Variants in SLC16A2 observed in about 807,000 individuals in gnomAD.
The protein encoded by SLC16A2 is monocarboxylate transporter 8.
Under a neutral mutation model 27.2 loss-of-function variants are expected in SLC16A2, and 3 were observed. The ratio of observed to expected loss-of-function variants is 0.11; its 90% CI spans 0.05 to 0.28. The LOEUF is 0.28. Ranked by LOEUF, SLC16A2 falls within the 10% of genes least tolerant of loss-of-function variation. The pLI, the probability that SLC16A2 is intolerant of heterozygous loss-of-function variation, is 1.00. For synonymous variants in SLC16A2, 202 were observed against 187.8 expected (o/e 1.08, Z -0.62); for missense variants, 295 against 458.5 (o/e 0.64, Z 3.26).
chrX:74,422,425 C>CT (rs771087132), intron 1 of SLC16A2, among the ~76,000 whole-genome samples: 149 of 102,136 alleles, frequency 1.5e-3, no homozygotes, highest in African/African-American at 2.9e-3. Flanking sequence ...ATTTGCAGGA[C>CT]TTTTTTTTTT....
intron 1 of SLC16A2, among the ~76,000 whole-genome samples, chrX:74,480,229 A>T (rs1232944373): frequency 8.9e-6 from 1 of 112,101 alleles, no homozygotes; most frequent in Non-Finnish European, 1.9e-5. Flanking sequence ...GTTCAATCTC[A>T]GACTGCTGTG....
intron 1 of SLC16A2, among the ~76,000 whole-genome samples, chrX:74,494,221 T>G (rs1929891737): frequency 8.9e-6 from 1 of 112,189 alleles, no homozygotes; most frequent in South Asian, 3.7e-4. Flanking sequence ...AGGACAGATA[T>G]GCCACAATTG....
At chrX:74,497,300 TG>T (rs200560671) in intron 1 of SLC16A2, among the ~76,000 whole-genome samples, 1 of 111,166 alleles carries the variant, frequency 9.0e-6, no homozygotes, top group East Asian at 2.9e-4. Context: ...TGCCCATTTC[TG>T]GGGGAGTCAG....
chrX:74,473,559 T>C, intron 1 of SLC16A2: 1 of 734,333 alleles, frequency 1.4e-6, no homozygotes, highest in South Asian at 2.1e-5. Flanking sequence ...ACTTCAATTT[T>C]TCCATACTAT....
chrX:74,427,370 G>A (rs1209626992), intron 1 of SLC16A2, among the ~76,000 whole-genome samples: 1 of 111,500 alleles, frequency 9.0e-6, no homozygotes, highest in Non-Finnish European at 1.9e-5. Flanking sequence ...CCTGGAGAAG[G>A]CCCATTAGAT....
At chrX:74,485,380 A>T (rs1450002518) in intron 1 of SLC16A2, among the ~76,000 whole-genome samples, 1 of 110,487 alleles carries the variant, frequency 9.1e-6, no homozygotes, top group Non-Finnish European at 1.9e-5. Flanking sequence ...TTTCTAGAAA[A>T]ACTTAAATAT....
chrX:74,430,805 G>A (rs1458101276), intron 1 of SLC16A2, among the ~76,000 whole-genome samples: 3 of 112,453 alleles, frequency 2.7e-5, no homozygotes, highest in African/African-American at 9.7e-5. Context: ...GCAGTGGCAC[G>A]ATCTTCGCTC....
chrX:74,440,800 G>T (rs1344298121), intron 1 of SLC16A2, among the ~76,000 whole-genome samples: 1 of 86,394 alleles, frequency 1.2e-5, no homozygotes, highest in African/African-American at 4.7e-5. Flanking sequence ...GAATAAATGA[G>T]GGTGTGTGTG....
At chrX:74,466,878 G>T (rs1009249366) in intron 1 of SLC16A2, among the ~76,000 whole-genome samples, 2 of 112,546 alleles carry the variant, frequency 1.8e-5, no homozygotes, top group African/African-American at 6.5e-5. Flanking sequence ...TAGTGATGTG[G>T]CCCTAGAGAG....
intron 1 of SLC16A2, among the ~76,000 whole-genome samples, chrX:74,507,018 G>A (rs1930146561): frequency 9.4e-6 from 1 of 106,789 alleles, no homozygotes; most frequent in Non-Finnish European, 1.9e-5. Flanking sequence ...CTGCAGCCTC[G>A]ATCTCCTGCT....
chrX:74,467,067 CAG>C (rs34799718), intron 1 of SLC16A2, among the ~76,000 whole-genome samples: 12,221 of 111,340 alleles, frequency 0.11, 1,416 homozygotes, highest in East Asian at 0.87. Flanking sequence ...AGCTCTCTGC[CAG>C]AGAGAGAGGT....
chrX:74,524,439 T>C lies in SLC16A2; in HGVS notation c.656T>C (p.Ile219Thr). The change falls in exon 3 of 6, where the codon ATC (isoleucine) becomes ACC (threonine). Residue 219 changes from isoleucine to threonine, a missense_variant. Physicochemically the swap from Ile to Thr is moderately conservative, Grantham distance 89 (BLOSUM62 -1). Transcript: ENST00000587091. ...CSFAFQPSLV[I>T]LGHYFQRRLG... ...TTCGCCTTTCAGCCATCCCTCGTCA[T>C]CCTGGGCCACTACTTTCAACGCCGC... is the stretch of plus-strand genomic sequence containing the variant. The C allele has an allele frequency of 8.3e-7, 1 of 1,211,887 alleles. No homozygotes were observed. Among genetic ancestry groups the C allele is most frequent in the Non-Finnish European group, 1.1e-6 (1 of 895,561 alleles).
intron 1 of SLC16A2, among the ~76,000 whole-genome samples, chrX:74,494,827 C>T (rs1433774778): frequency 9.0e-6 from 1 of 111,303 alleles, no homozygotes; most frequent in East Asian, 2.8e-4. Flanking sequence ...TAACTCATAT[C>T]AGGAGTCCAA....
Position 74,462,695 on chromosome X carries a change from A to G in SLC16A2, c.430+40628A>G, listed in dbSNP as rs73494886. ...GGATCTTTGAAAAATGGGCTTCTCC[A>G]GAAGGTAGGGGGAACTTTCACAGCC... On this transcript the variant is annotated intron_variant, in intron 1 of 5. Transcript: ENST00000587091. Among the ~76,000 whole-genome samples the G allele has an allele frequency of 1.8e-3, 196 of 111,963 alleles. 1 individual carries two copies. The highest frequency in any genetic ancestry group is 5.9e-3 in the African/African-American group (181 of 30,825).
chrX:74,526,726 C>G (rs778475855), intron 4 of SLC16A2, among the ~76,000 whole-genome samples: 1 of 112,538 alleles, frequency 8.9e-6, no homozygotes, highest in Non-Finnish European at 1.9e-5. Flanking sequence ...TTCTACCTTG[C>G]CCTAAGTGAT....
At position 74,524,704 on chromosome X, in the gene SLC16A2, C is replaced by T. The variant is rs760865869; in HGVS notation, c.921C>T (p.Leu307=). ...RTLHQRFLAQ[L]RKYFNMRVFR... is the part of the protein sequence containing the mutation. ...TGCACCAGCGCTTTCTGGCTCAGCT[C>T]AGGAAGTACTTCAACATGCGAGTGT... is the stretch of plus-strand genomic sequence containing the variant. The change falls in exon 3 of 6, where the codon CTC becomes CTT. Residue 307 remains leucine, a synonymous_variant. Transcript: ENST00000587091. The T allele has an allele frequency of 1.7e-6, 2 of 1,211,929 alleles. No homozygotes were observed. The highest frequency in any genetic ancestry group is 4.3e-5 in the Admixed American group (2 of 46,062).
chrX:74,421,738 A>T lies in SLC16A2; in HGVS notation c.101A>T (p.Glu34Val). 8.6e-7 allele frequency: 1 copy of T among 1,161,275 alleles called. No homozygotes were observed. Among genetic ancestry groups the T allele is most frequent in the South Asian group, 1.9e-5 (1 of 53,171 alleles). ...EPVGSPEPES[E>V]PEPEPEPEPV... The stretch of plus-strand genomic sequence containing the variant: ...GTGGGTAGCCCAGAGCCGGAGTCTG[A>T]GCCGGAGCCTGAGCCCGAGCCCGAG... The change falls in exon 1 of 6, where the codon GAG (glutamate) becomes GTG (valine). Residue 34 changes from glutamate (E) to valine (V), a missense_variant. Glu to Val is a moderately radical substitution (Grantham distance 121). Around this residue, in one of 3 missense-constraint regions of SLC16A2, gnomAD observed 92 missense variants for 85.1 expected, o/e 1.08. Transcript: ENST00000587091.
chrX:74,476,978 T>C (rs1410833759), intron 1 of SLC16A2: 2 of 112,151 alleles, frequency 1.8e-5, no homozygotes, highest in Non-Finnish European at 3.8e-5. Flanking sequence ...GGTATCAGAA[T>C]GATGCTGGCC....
chrX:74,464,958 CA>C (rs887193184), intron 1 of SLC16A2, among the ~76,000 whole-genome samples: 1 of 111,708 alleles, frequency 9.0e-6, no homozygotes, highest in Non-Finnish European at 1.9e-5. Context: ...ACAACAACAA[CA>C]AACAGACCTA....
Sources: gnomAD v4.1 joint callset for allele counts (sites outside exome capture counted in the v4.1 genomes callset) on GRCh38, gnomAD v4.1.1 for gene constraint, gnomAD v4.1.1 regional missense constraint, MANE v1.5 for transcripts, NCBI Gene and HGNC (gene_info 2026-07-23, HGNC 2026-07-21) for gene names.